Variants in ZAN observed in about 807,000 individuals in gnomAD.
ZAN encodes zonadhesin (gene/pseudogene).
Under a neutral mutation model 286.2 loss-of-function variants are expected in ZAN, and 260 were observed. The observed-to-expected ratio is 0.91, with a 90% CI of 0.82 to 1.01. The LOEUF (loss-of-function observed/expected upper bound fraction) is 1.01, where lower values mean the gene tolerates loss of function less well. ZAN is among the 50% of genes least tolerant of loss of function. The pLI is 0.00. For synonymous variants in ZAN, 1,368 were observed against 1,417.5 expected, an observed-to-expected ratio of 0.97 and a Z score of 0.79; for missense variants, 3,410 against 3,639.2, an observed-to-expected ratio of 0.94 and a Z score of 1.62.
chr7:100,764,698 T>C (rs965175570), intron 22 of ZAN, among the ~76,000 whole-genome samples: 8 of 137,266 alleles, frequency 5.8e-5, no homozygotes, highest in Non-Finnish European at 1.3e-4. Context: ...CAAAAAATAA[T>C]AAAAATAATA....
Position 100,753,094 on chromosome 7 carries a change from C to T in ZAN, c.2989C>T (p.Leu997Phe). Residue 997 changes from leucine (L) to phenylalanine (F), a missense_variant, in exon 14 of 48, where the codon CTC becomes TTC. Leu to Phe is a conservative substitution (Grantham distance 22). Coordinates refer to ENST00000613979, the MANE Select transcript of ZAN (RefSeq NM_003386.3). ...AAAACCCACCATTCCCACAGAGAAG[C>T]TCACAGCCCTGAGGCCACCCCATCC... ...TEKPTIPTEK[L>F]TALRPPHPSP... 1 of 1,614,016 alleles carries T rather than the reference C, an allele frequency of 6.2e-7. No homozygotes were observed. Among genetic ancestry groups the T allele is most frequent in the African/African-American group, 1.3e-5 (1 of 75,072 alleles).
rs546983442 is a variant in ZAN, at chr7:100,735,189, GA to G, written c.54-520del. On this transcript the variant is annotated intron_variant, in intron 2 of 47. Transcript: ENST00000613979. ...ACAAGAGCAAAACTCCATCTCAAAA[GA>G]AAAAAAAAAAGAAATGATGGATGTC... 3.0e-3 allele frequency among the ~76,000 whole-genome samples: 369 copies of G among 124,508 alleles called. 37 individuals are homozygous for G. The highest frequency in any genetic ancestry group is 9.6e-3 in the African/African-American group (330 of 34,356). The allele number at this position is 124,508 out of a possible 152,430, so 81.7% of individuals were successfully genotyped here.
chr7:100,745,827 C>T (rs889797905), intron 7 of ZAN, among the ~76,000 whole-genome samples: 8 of 151,864 alleles, frequency 5.3e-5, no homozygotes, highest in Non-Finnish European at 8.8e-5. Context: ...AGTTTGAGAC[C>T]TGTGCCACTG....
At chr7:100,776,590 GTTTTCTTTCT>G (rs1269529928) in intron 34 of ZAN, 26 bp downstream of exon 34, 14 of 1,490,588 alleles carry the variant, frequency 9.4e-6, no homozygotes, top group Middle Eastern at 1.7e-4. Flanking sequence ...GACCCTCTAG[GTTTTCTTTCT>G]TTTTCTTTCT....
chr7:100,788,791 C>T (rs1811743904), intron 38 of ZAN, among the ~76,000 whole-genome samples: 2 of 152,118 alleles, frequency 1.3e-5, no homozygotes, highest in African/African-American at 4.8e-5. Context: ...CTCCACCTCC[C>T]AGGTTCAAGT....
chr7:100,783,785 C>CACATATATATATATATATATAT (rs1811363678), intron 35 of ZAN, among the ~76,000 whole-genome samples: 1 of 8,232 alleles, frequency 1.2e-4, no homozygotes, highest in Non-Finnish European at 3.9e-4. Context: ...TATATATATA[C>CACATATATATATATATATATAT]ACATATATAT....
intron 37 of ZAN, among the ~76,000 whole-genome samples, chr7:100,787,144 G>A (rs1162744310): frequency 3.3e-5 from 5 of 151,820 alleles, no homozygotes; most frequent in African/African-American, 4.8e-5. Flanking sequence ...TCTAGGTACC[G>A]GGCTTGGTGG....
chr7:100,748,157 T>C lies in ZAN; in HGVS notation c.1044T>C (p.Phe348=). 6.2e-7 allele frequency: 1 copy of C among 1,613,752 alleles called. No individual in the cohort carries two copies. The highest frequency in any genetic ancestry group is 8.5e-7 in the Non-Finnish European group (1 of 1,179,842). Residue 348 remains phenylalanine (F), a synonymous_variant, in exon 10 of 48, where the codon TTT becomes TTC. Coordinates refer to ENST00000613979, the MANE Select transcript of ZAN (RefSeq NM_003386.3). ...GRIQFAVVGV[F]GKTPEPAVAV... ...TCCAGTTTGCCGTGGTAGGCGTTTT[T>C]GGAAAGACCCCAGAGCCAGCTGTGG...
chr7:100,774,815 G>C (rs1220017011), intron 31 of ZAN, among the ~76,000 whole-genome samples: 1 of 147,982 alleles, frequency 6.8e-6, no homozygotes. Context: ...GTGACAGAGA[G>C]AGACCATGTC....
chr7:100,738,035 C>A lies in ZAN; in HGVS notation c.614-426C>A, dbSNP rs1269256988. On this transcript the variant is annotated intron_variant, in intron 6 of 47. Coordinates refer to ENST00000613979, the MANE Select transcript of ZAN (RefSeq NM_003386.3). Reference sequence around the variant, plus strand: ...GTAGTGGCACGATCTCGGCTCACTGCAACTTCTGCCTCTTGGGTTCAAATG... The same window carrying A: ...GTAGTGGCACGATCTCGGCTCACTGAAACTTCTGCCTCTTGGGTTCAAATG... Among the ~76,000 whole-genome samples, 2 of 140,396 alleles carry A rather than the reference C, an allele frequency of 1.4e-5. 1 individual carries two copies. The highest frequency in any genetic ancestry group is 3.2e-5 in the Non-Finnish European group (2 of 62,894). 92.1% of individuals were successfully genotyped at this position (140,396 alleles called of 152,430 possible). A position where few individuals can be genotyped will look rare whatever the true frequency, so the allele number is the denominator to read the frequency against.
intron 7 of ZAN, among the ~76,000 whole-genome samples, chr7:100,743,860 G>C (rs1807991743): frequency 1.3e-5 from 2 of 151,452 alleles, no homozygotes; most frequent in African/African-American, 4.9e-5. Context: ...CTGGGCGACA[G>C]AGTGAGATTG....
At chr7:100,737,970 A>T (rs1367939494) in intron 6 of ZAN, among the ~76,000 whole-genome samples, 1 of 139,050 alleles carries the variant, frequency 7.2e-6, no homozygotes, top group Non-Finnish European at 1.6e-5. Flanking sequence ...TTATTTATTT[A>T]TTTGAGACGG....
chr7:100,776,365 A>T, intron 33 of ZAN, 75 bp from the exon 34 acceptor site: 1 of 1,499,830 alleles, frequency 6.7e-7, no homozygotes, highest in East Asian at 2.5e-5. Flanking sequence ...CTCGTGAGGG[A>T]AGGAAAGAAG....
rs760543487 is a variant in ZAN, at chr7:100,797,605, G to A, written c.8395G>A (p.Ala2799Thr). The A allele has an allele frequency of 3.1e-6, 5 of 1,613,788 alleles. No homozygotes were observed. The African/African-American group carries it at 6.7e-5, about 22-fold the overall frequency. ...REKTQEGDRLARLVDTDTVLD... is the reference protein window; with the variant it reads ...REKTQEGDRLTRLVDTDTVLD... ...GAAAACGCAGGAGGGAGACAGACTG[G>A]CCAGGCTGGTGGACACAGGTGAGAA... Residue 2799 changes from alanine (A) to threonine (T), a missense_variant, in exon 47 of 48, where the codon GCC (alanine) becomes ACC (threonine). Around this residue, in one of 7 missense-constraint regions of ZAN, gnomAD observed 1,289 missense variants for 1,314.3 expected, o/e 0.98. Coordinates refer to ENST00000613979, the MANE Select transcript of ZAN (RefSeq NM_003386.3).
At chr7:100,781,352 C>A (rs187368062) in intron 35 of ZAN, among the ~76,000 whole-genome samples, 284 of 152,284 alleles carry the variant, frequency 1.9e-3, no homozygotes, top group African/African-American at 6.6e-3. Flanking sequence ...AGACGTGAGA[C>A]ATCTCAACCG....
Position 100,791,073 on chromosome 7 carries a change from T to G in ZAN, c.7489T>G (p.Trp2497Gly). The G allele has an allele frequency of 6.2e-7, 1 of 1,613,084 alleles. No individual in the cohort carries two copies. Among genetic ancestry groups the G allele is most frequent in the Non-Finnish European group, 8.5e-7 (1 of 1,179,698 alleles). ...TQNLNTFGNS[W>G]EVKTEDALLR... ...GAACCTCAACACCTTTGGCAACAGC[T>G]GGGAGGTGAAGACCGAGGACGCACT... Residue 2497 changes from tryptophan to glycine, a missense_variant, in exon 40 of 48, where the codon TGG becomes GGG. Trp to Gly is a radical substitution (Grantham distance 184, BLOSUM62 -2). Around this residue, in one of 7 missense-constraint regions of ZAN, gnomAD observed 1,289 missense variants for 1,314.3 expected, o/e 0.98. Coordinates refer to ENST00000613979, the MANE Select transcript of ZAN (RefSeq NM_003386.3).
chr7:100,764,931 G>A (rs967000484), intron 22 of ZAN, among the ~76,000 whole-genome samples: 36 of 152,058 alleles, frequency 2.4e-4, no homozygotes, highest in Admixed American at 1.6e-3. Flanking sequence ...GCAGGCACAC[G>A]GTACAGGCCC....
At position 100,750,803 on chromosome 7, in the gene ZAN, C is replaced by T; in HGVS notation, c.1428C>T (p.Pro476=). Residue 476 remains proline, a synonymous_variant, in exon 12 of 48, where the codon CCC becomes CCT. Transcript: ENST00000613979. ...ELLLGSPAGS[P]PIPLWKRVGS... ...TCCTGGGAAGTCCTGCGGGGAGTCC[C>T]CCGATTCCTCTCTGGAAACGCGTGG... 6.2e-7 allele frequency: 1 copy of T among 1,609,068 alleles called. No individual in the cohort carries two copies. The highest frequency in any genetic ancestry group is 8.5e-7 in the Non-Finnish European group (1 of 1,176,684).
intron 40 of ZAN, among the ~76,000 whole-genome samples, chr7:100,791,665 C>T (rs1811969252): frequency 1.3e-5 from 2 of 152,134 alleles, no homozygotes; most frequent in African/African-American, 4.8e-5. Flanking sequence ...CCTAGGCCTC[C>T]CAAAGTGCTG....
Sources: allele counts gnomAD v4.1 joint callset (sites outside exome capture counted in the v4.1 genomes callset), GRCh38; gene constraint gnomAD v4.1.1; regional missense constraint gnomAD v4.1.1; transcripts MANE v1.5; gene names NCBI Gene and HGNC (gene_info 2026-07-23, HGNC 2026-07-21).